MTG1: variants seen among roughly 807,000 people sequenced by gnomAD.
MTG1 encodes mitochondrial ribosome-associated GTPase 1.
MTG1 carries 30 observed loss-of-function variants against 39.5 expected under a neutral mutation model. The ratio of observed to expected loss-of-function variants is 0.76; its 90% CI spans 0.57 to 1.03. MTG1 has a LOEUF of 1.03. Ranked by LOEUF, MTG1 falls within the 50% of genes least tolerant of loss-of-function variation. MTG1 has a pLI of 0.00. For missense variants in MTG1, 513 were observed against 447.4 expected (o/e 1.15, Z -1.32); for synonymous variants, 217 against 179.0 (o/e 1.21, Z -1.69).
intron 9 of MTG1, among the ~76,000 whole-genome samples, chr10:133,415,846 G>A (rs916541253): frequency 3.3e-5 from 5 of 152,036 alleles, no homozygotes; most frequent in African/African-American, 7.2e-5. Flanking sequence ...TCAGGCACGC[G>A]GGTATCAGGC....
At chr10:133,401,751 A>G (rs1849881537) in intron 7 of MTG1, 161 bp downstream of exon 7, 1 of 743,732 alleles carries the variant, frequency 1.3e-6, no homozygotes, top group Non-Finnish European at 2.4e-6. Context: ...CCCTGCCCTT[A>G]TTCCACAGTC....
intron 7 of MTG1, 158 bp downstream of exon 7, chr10:133,401,748 C>T: frequency 1.3e-6 from 1 of 749,056 alleles, no homozygotes; most frequent in Non-Finnish European, 2.3e-6. Context: ...TGCCCCTGCC[C>T]TTATTCCACA....
Position 133,419,509 on chromosome 10 carries a change from C to A in MTG1, c.782C>A (p.Ala261Asp), listed in dbSNP as rs1850193033. 9 of 1,607,050 alleles carry A rather than the reference C, an allele frequency of 5.6e-6. No individual in the cohort carries two copies. The highest frequency in any genetic ancestry group is 7.6e-6 in the Non-Finnish European group (9 of 1,177,200). Reference protein sequence around the residue: ...GYVQHYGLGSACDNVERVLKS... With the variant: ...GYVQHYGLGSDCDNVERVLKS... ...GTGCAGCACTACGGCCTGGGCAGTG[C>A]CTGTGACAACGTAGAGCGCGTGCTG... Residue 261 changes from alanine (A) to aspartate (D), a missense_variant, in exon 10 of 11, where the codon GCC becomes GAC. Physicochemically the swap from Ala to Asp is moderately radical, Grantham distance 126. Coordinates refer to ENST00000317502, the MANE Select transcript of MTG1 (RefSeq NM_138384.4).
At chr10:133,398,293 G>C (rs755461231) in intron 3 of MTG1, 142 bp from the exon 4 acceptor site, 11 of 716,132 alleles carry the variant, frequency 1.5e-5, no homozygotes, top group East Asian at 2.8e-5. Context: ...CCTGCTACTT[G>C]GGAGGCTGAG....
chr10:133,421,361 G>A lies in MTG1; in HGVS notation c.*1196G>A, dbSNP rs1339611814. On this transcript the variant is annotated 3_prime_UTR_variant, in exon 11 of 11. Transcript: ENST00000317502. ...AACTGGAACATTCCATCAGCTTGCA[G>A]TGCTGTGGTGTGTGAGGGTCTGGTG... is the stretch of plus-strand genomic sequence containing the variant. 1.3e-5 allele frequency: 2 copies of A among 153,344 alleles called. No homozygotes were observed. The highest frequency in any genetic ancestry group is 2.9e-5 in the Non-Finnish European group (2 of 68,242). 9.5% of individuals were successfully genotyped at this position (153,344 alleles called of 1,614,324 possible). A position where few individuals can be genotyped will look rare whatever the true frequency, so the allele number is the denominator to read the frequency against.
intron 9 of MTG1, among the ~76,000 whole-genome samples, chr10:133,414,239 C>T (rs931237718): frequency 6.6e-6 from 1 of 150,944 alleles, no homozygotes; most frequent in Non-Finnish European, 1.5e-5. Flanking sequence ...GGGGTAAGGT[C>T]ACAGATCAAC....
At chr10:133,406,878 T>A (rs563756313) in intron 9 of MTG1, among the ~76,000 whole-genome samples, 10 of 152,330 alleles carry the variant, frequency 6.6e-5, no homozygotes, top group African/African-American at 2.4e-4. Flanking sequence ...TTGGCCAGGC[T>A]GGTCTTGAAC....
chr10:133,399,578 C>A lies in MTG1; in HGVS notation c.470C>A (p.Ser157Tyr). 6.2e-7 allele frequency: 1 copy of A among 1,614,214 alleles called. No homozygotes were observed. Among genetic ancestry groups the A allele is most frequent in the East Asian group, 2.2e-5 (1 of 44,874 alleles). Residue 157 changes from serine (S) to tyrosine (Y), a missense_variant, in exon 6 of 11, where the codon TCC (serine) becomes TAC (tyrosine). Physicochemically the swap from Ser to Tyr is moderately radical, Grantham distance 144 (BLOSUM62 -2). Transcript: ENST00000317502. ...MVIGVPNVGK[S>Y]SLINSLRRQH... ...ATTGGGGTCCCCAACGTGGGCAAGT[C>A]CTCCCTCATCAACTCCCTCCGGAGG...
intron 9 of MTG1, among the ~76,000 whole-genome samples, chr10:133,414,924 G>A (rs952479575): frequency 6.6e-6 from 1 of 152,268 alleles, no homozygotes; most frequent in African/African-American, 2.4e-5. Flanking sequence ...TGCACCTCGG[G>A]AGGCCGAGGC....
At chr10:133,399,081 C>T in intron 4 of MTG1, 89 bp from the exon 5 acceptor site, 1 of 1,400,908 alleles carries the variant, frequency 7.1e-7, no homozygotes, top group Non-Finnish European at 1.0e-6. Context: ...ACACTGGAAT[C>T]CCTAATCCTG....
intron 9 of MTG1, among the ~76,000 whole-genome samples, chr10:133,414,827 G>A (rs2133512956): frequency 6.6e-6 from 1 of 152,298 alleles, no homozygotes; most frequent in East Asian, 1.9e-4. Context: ...CTGGGAGGTG[G>A]AGGTTGTAGC....
intron 9 of MTG1, among the ~76,000 whole-genome samples, chr10:133,407,804 A>AG (rs1367780801): frequency 1.3e-5 from 2 of 152,172 alleles, no homozygotes; most frequent in Non-Finnish European, 2.9e-5. Context: ...TCTTGACCTC[A>AG]GGTAATCCGC....
Position 133,402,644 on chromosome 10 carries a change from C to T in MTG1, c.671-48C>T. ...GGGATGTGTTTGAACTTGGCAGGAA[C>T]ATAGATGTGGCTGTTTCCAGTGCTC... On this transcript the variant is annotated intron_variant, in intron 8 of 10. Coordinates refer to ENST00000317502, the MANE Select transcript of MTG1 (RefSeq NM_138384.4). The surrounding 1 kb of genome is among the most constrained non-coding windows in gnomAD (Gnocchi z 4.7). The T allele has an allele frequency of 6.6e-7, 1 of 1,517,300 alleles. No individual in the cohort carries two copies. 94.0% of individuals were successfully genotyped at this position (1,517,300 alleles called of 1,614,324 possible).
chr10:133,415,141 C>G (rs1564823034), intron 9 of MTG1, among the ~76,000 whole-genome samples: 1 of 151,314 alleles, frequency 6.6e-6, no homozygotes, highest in Non-Finnish European at 1.5e-5. Context: ...GGCTCGGCAT[C>G]AGAGGGAGAC....
In MTG1 at chr10:133,398,461, A is replaced by C. The variant is rs758964706; in HGVS notation, c.309A>C (p.Glu103Asp). The C allele has an allele frequency of 6.2e-7, 1 of 1,613,384 alleles. No homozygotes were observed. The highest frequency in any genetic ancestry group is 8.5e-7 in the Non-Finnish European group (1 of 1,179,854). ...AAATTATGCAACACTTAGAAGGAGA[A>C]GGCCTAAAAAATGTCATTTTTACCA... ...QQKIMQHLEG[E>D]GLKNVIFTNC... The change falls in exon 4 of 11, where the codon GAA becomes GAC. Residue 103 changes from glutamate (E) to aspartate (D), a missense_variant. Glu to Asp is a conservative substitution (Grantham distance 45). Coordinates refer to ENST00000317502, the MANE Select transcript of MTG1 (RefSeq NM_138384.4).
intron 9 of MTG1, among the ~76,000 whole-genome samples, chr10:133,403,580 C>T (rs1314021510): frequency 2.6e-5 from 4 of 152,208 alleles, no homozygotes; most frequent in African/African-American, 9.6e-5. Flanking sequence ...GTTGTGTGAT[C>T]CCCGTGTGTC....
chr10:133,417,884 C>G (rs1235831965), intron 9 of MTG1, among the ~76,000 whole-genome samples: 5 of 152,218 alleles, frequency 3.3e-5, no homozygotes, highest in Admixed American at 2.6e-4. Flanking sequence ...AGAATACAAA[C>G]AAATGGAAGA....
intron 9 of MTG1, among the ~76,000 whole-genome samples, chr10:133,417,071 TC>T (rs1850143327): frequency 6.6e-6 from 1 of 151,440 alleles, no homozygotes; most frequent in Non-Finnish European, 1.5e-5. Flanking sequence ...ACCTGTTGTT[TC>T]CTGACTTTTT....
intron 9 of MTG1, among the ~76,000 whole-genome samples, chr10:133,407,772 G>A (rs1034369718): frequency 2.0e-5 from 3 of 151,696 alleles, no homozygotes; most frequent in South Asian, 2.1e-4. Flanking sequence ...GTTTCTCCAC[G>A]TTGGTCAGGC....
Sources: gnomAD v4.1 joint callset for allele counts (sites outside exome capture counted in the v4.1 genomes callset) on GRCh38, gnomAD v4.1.1 for gene constraint, Gnocchi (gnomAD v3.1) non-coding constraint, MANE v1.5 for transcripts, NCBI Gene and HGNC (gene_info 2026-07-23, HGNC 2026-07-21) for gene names.